The following SPMIP11 variants were observed in gnomAD, a reference collection of about 807,000 sequenced individuals.
The protein encoded by SPMIP11 is sperm microtubule inner protein 11, also known as long intergenic non-protein coding RNA 935.
chr12:48,759,406 AG>A, the SPMIP11 span: 1 of 683,908 alleles, frequency 1.5e-6, no homozygotes, highest in Non-Finnish European at 2.7e-6. Context: ...GGCTGGGATG[AG>A]GCCGGGCTTG....
the SPMIP11 span, chr12:48,770,625 AGACTTGAT>A: frequency 1.3e-6 from 1 of 781,016 alleles, no homozygotes; most frequent in Non-Finnish European, 2.1e-6. Flanking sequence ...TCTTAATATC[AGACTTGAT>A]ATAGGAGGTC....
chr12:48,766,397 C>A, the SPMIP11 span: 2 of 152,568 alleles, frequency 1.3e-5, no homozygotes, highest in African/African-American at 2.4e-5. Flanking sequence ...CACTGTGGTA[C>A]GGGGATCCAG....
chr12:48,740,596 G>A, the SPMIP11 span, among the ~76,000 whole-genome samples: 37 of 149,920 alleles, frequency 2.5e-4, no homozygotes, highest in African/African-American at 6.9e-4. Flanking sequence ...GGACTCAAGC[G>A]ATTCTCCCAC....
At chr12:48,761,678 A>T in the SPMIP11 span, among the ~76,000 whole-genome samples, 2 of 151,610 alleles carry the variant, frequency 1.3e-5, no homozygotes, top group African/African-American at 4.8e-5. Flanking sequence ...TACAAATAAA[A>T]ATAAACATCA....
the SPMIP11 span, among the ~76,000 whole-genome samples, chr12:48,743,438 G>A: frequency 6.6e-6 from 1 of 152,136 alleles, no homozygotes; most frequent in South Asian, 2.1e-4. Flanking sequence ...TTACAAAATT[G>A]CAGGTACATG....
chr12:48,749,495 GC>G, the SPMIP11 span, among the ~76,000 whole-genome samples: 1 of 151,358 alleles, frequency 6.6e-6, no homozygotes, highest in Non-Finnish European at 1.5e-5. Context: ...GGGCATGGTG[GC>G]GTATGCCTGT....
chr12:48,733,556 A>G, the SPMIP11 span, among the ~76,000 whole-genome samples: 197 of 152,198 alleles, frequency 1.3e-3, no homozygotes, highest in African/African-American at 4.7e-3. Context: ...AGAGTGATGA[A>G]ATTTTGCACT....
At chr12:48,729,967 C>T in the SPMIP11 span, among the ~76,000 whole-genome samples, 1 of 152,134 alleles carries the variant, frequency 6.6e-6, no homozygotes. Context: ...GAGCTCTTCT[C>T]TACCCTCTTT....
chr12:48,745,605 A>G, the SPMIP11 span, among the ~76,000 whole-genome samples: 6 of 152,362 alleles, frequency 3.9e-5, no homozygotes, highest in African/African-American at 1.4e-4. Flanking sequence ...GTCTCAATCA[A>G]TCAATTTCAG....
the SPMIP11 span, among the ~76,000 whole-genome samples, chr12:48,740,051 T>C: frequency 0.013 from 2,051 of 152,302 alleles, 48 homozygotes; most frequent in African/African-American, 0.048. Flanking sequence ...TTGACCACTC[T>C]CTTTGCCCTT....
At chr12:48,758,339 G>A in the SPMIP11 span, among the ~76,000 whole-genome samples, 1 of 152,184 alleles carries the variant, frequency 6.6e-6, no homozygotes, top group African/African-American at 2.4e-5. Flanking sequence ...TGCTGTGGTG[G>A]ACACTACTGG....
chr12:48,760,173 C>T, the SPMIP11 span, among the ~76,000 whole-genome samples: 2 of 151,714 alleles, frequency 1.3e-5, no homozygotes, highest in Non-Finnish European at 2.9e-5. Flanking sequence ...GATGTTTCAC[C>T]TTTTCTTTTC....
chr12:48,736,336 C>T, the SPMIP11 span, among the ~76,000 whole-genome samples: 10 of 148,458 alleles, frequency 6.7e-5, no homozygotes, highest in South Asian at 2.1e-4. Context: ...TGCTTAAGCC[C>T]GGGAGACAGA....
chr12:48,727,452 G>A, the SPMIP11 span: 95 of 702,162 alleles, frequency 1.4e-4, no homozygotes, highest in South Asian at 1.2e-3. Context: ...CAACCTGGAC[G>A]TTCCAGAAGA....
the SPMIP11 span, among the ~76,000 whole-genome samples, chr12:48,729,391 G>A: frequency 3.9e-5 from 6 of 152,056 alleles, no homozygotes; most frequent in Admixed American, 3.3e-4. Flanking sequence ...AAAAATAGCC[G>A]GGCGTGGTGG....
the SPMIP11 span, among the ~76,000 whole-genome samples, chr12:48,729,549 T>A: frequency 4.8e-4 from 67 of 139,560 alleles, no homozygotes; most frequent in African/African-American, 1.8e-3. Context: ...AAAAATAAAA[T>A]ACAAAAAAAA....
the SPMIP11 span, among the ~76,000 whole-genome samples, chr12:48,745,112 T>C: frequency 3.3e-5 from 5 of 151,288 alleles, no homozygotes; most frequent in Non-Finnish European, 7.4e-5. Flanking sequence ...CTACTAAAAA[T>C]ACAAAAAAAT....
the SPMIP11 span, among the ~76,000 whole-genome samples, chr12:48,755,210 T>G: frequency 1.3e-5 from 2 of 152,198 alleles, no homozygotes; most frequent in African/African-American, 2.4e-5. Flanking sequence ...ACCCTACATG[T>G]CCTTCATAGT....
At chr12:48,751,440 C>A in the SPMIP11 span, among the ~76,000 whole-genome samples, 2 of 151,156 alleles carry the variant, frequency 1.3e-5, no homozygotes, top group African/African-American at 2.4e-5. Context: ...ACAGTGGGAC[C>A]CTGTCTCTAC....
Sources: allele counts gnomAD v4.1 joint callset (sites outside exome capture counted in the v4.1 genomes callset), GRCh38; gene constraint gnomAD v4.1.1; transcripts MANE v1.5; gene names NCBI Gene and HGNC (gene_info 2026-07-23, HGNC 2026-07-21).